RGS8: variants seen among roughly 807,000 people sequenced by gnomAD.
RGS8 encodes the protein regulator of G protein signaling 8.
RGS8 carries 8 observed loss-of-function variants against 21.7 expected under a neutral mutation model. The observed-to-expected ratio is 0.37, with a 90% confidence interval of 0.22 to 0.66. The LOEUF (loss-of-function observed/expected upper bound fraction) is 0.66. RGS8 is among the 30% of genes least tolerant of loss of function. The pLI, the probability that RGS8 is intolerant of heterozygous loss-of-function variation, is 0.59. For missense variants in RGS8, 157 were observed against 217.9 expected (o/e 0.72, Z 1.76); for synonymous variants, 80 against 83.6 (o/e 0.96, Z 0.24).
upstream of RGS8, among the ~76,000 whole-genome samples, chr1:182,675,312 C>T (rs1664319460): frequency 6.6e-6 from 1 of 152,150 alleles, no homozygotes; most frequent in Admixed American, 6.6e-5. Flanking sequence ...AAGTATTTCT[C>T]AACTTCATTT....
the RGS8 span, among the ~76,000 whole-genome samples, chr1:182,726,842 G>A: frequency 4.6e-5 from 7 of 152,296 alleles, no homozygotes; most frequent in South Asian, 1.5e-3. Context: ...ACAACAGCCT[G>A]TGCATTGCAG....
chr1:182,649,655 G>A (rs1248125274), intron 5 of RGS8, among the ~76,000 whole-genome samples: 1 of 152,128 alleles, frequency 6.6e-6, no homozygotes, highest in African/African-American at 2.4e-5. Flanking sequence ...AAGTTAGAAA[G>A]GGAAATCACA....
the RGS8 span, among the ~76,000 whole-genome samples, chr1:182,690,267 T>G: frequency 1.3e-5 from 2 of 152,216 alleles, no homozygotes; most frequent in East Asian, 1.9e-4. Flanking sequence ...CATAACATCC[T>G]GTACTTCTCT....
chr1:182,742,720 G>A, the RGS8 span, among the ~76,000 whole-genome samples: 1 of 150,368 alleles, frequency 6.7e-6, no homozygotes, highest in Non-Finnish European at 1.5e-5. Flanking sequence ...GCATCAGAGG[G>A]AGACCGTGGA....
upstream of RGS8, among the ~76,000 whole-genome samples, chr1:182,687,991 CTT>C (rs759073157): frequency 5.3e-4 from 81 of 152,222 alleles, no homozygotes; most frequent in Non-Finnish European, 6.0e-4. Flanking sequence ...TTTACACTGA[CTT>C]ATGATAAACT....
At chr1:182,739,700 C>A in the RGS8 span, among the ~76,000 whole-genome samples, 1 of 152,134 alleles carries the variant, frequency 6.6e-6, no homozygotes, top group African/African-American at 2.4e-5. Context: ...TTCCATTCCT[C>A]TTGGCCTTGA....
chr1:182,715,326 A>C, the RGS8 span, among the ~76,000 whole-genome samples: 1 of 152,192 alleles, frequency 6.6e-6, no homozygotes, highest in East Asian at 1.9e-4. Context: ...AACAAATAGC[A>C]TACTGCAAAG....
At chr1:182,655,434 T>C (rs1002175205) in intron 5 of RGS8, among the ~76,000 whole-genome samples, 1 of 152,114 alleles carries the variant, frequency 6.6e-6, no homozygotes, top group Non-Finnish European at 1.5e-5. Flanking sequence ...AGGGTGCGCA[T>C]AGGCAGGAGA....
chr1:182,672,330 C>T (rs1202205307), upstream of RGS8: 1 of 183,814 alleles, frequency 5.4e-6, no homozygotes, highest in Non-Finnish European at 1.1e-5. Flanking sequence ...GGGGGGCTGT[C>T]TTGCTGGGTG....
the RGS8 span, among the ~76,000 whole-genome samples, chr1:182,696,956 G>T: frequency 6.6e-6 from 1 of 152,124 alleles, no homozygotes; most frequent in Non-Finnish European, 1.5e-5. Context: ...GGGGTGGCTG[G>T]GCCACATGTT....
At chr1:182,721,048 T>TGC in the RGS8 span, among the ~76,000 whole-genome samples, 2 of 70,754 alleles carry the variant, frequency 2.8e-5, 1 homozygote, top group Non-Finnish European at 5.7e-5. Flanking sequence ...TACATATACA[T>TGC]ACATATATAT....
chr1:182,713,859 G>A, the RGS8 span, among the ~76,000 whole-genome samples: 3 of 152,166 alleles, frequency 2.0e-5, no homozygotes, highest in African/African-American at 7.2e-5. Flanking sequence ...ACTTTTTAAA[G>A]TAATTTTTTA....
chr1:182,670,787 C>T (rs2102444099), intron 2 of RGS8, among the ~76,000 whole-genome samples: 1 of 152,220 alleles, frequency 6.6e-6, no homozygotes, highest in South Asian at 2.1e-4. Context: ...ATTAGTTAGA[C>T]TGTGTATGAA....
chr1:182,662,324 A>T (rs1030159116), intron 5 of RGS8, among the ~76,000 whole-genome samples: 2 of 152,110 alleles, frequency 1.3e-5, no homozygotes, highest in Admixed American at 1.3e-4. Flanking sequence ...GCTGAGTCAA[A>T]CTACCTGCCA....
the RGS8 span, among the ~76,000 whole-genome samples, chr1:182,742,147 C>A: frequency 3.8e-4 from 57 of 150,052 alleles, no homozygotes; most frequent in Non-Finnish European, 4.5e-4. Context: ...GATGGGCGGC[C>A]GGGCAGAGAC....
At chr1:182,728,468 A>G in the RGS8 span, among the ~76,000 whole-genome samples, 2 of 152,206 alleles carry the variant, frequency 1.3e-5, no homozygotes, top group Non-Finnish European at 2.9e-5. Flanking sequence ...CATAATGATA[A>G]ACATTGAGCA....
At chr1:182,724,423 T>C in the RGS8 span, among the ~76,000 whole-genome samples, 1 of 151,708 alleles carries the variant, frequency 6.6e-6, no homozygotes, top group Admixed American at 6.6e-5. Flanking sequence ...ACTCAGCTAC[T>C]TGTTATACGA....
chr1:182,736,207 T>C, the RGS8 span, among the ~76,000 whole-genome samples: 3 of 152,364 alleles, frequency 2.0e-5, no homozygotes, highest in Non-Finnish European at 4.4e-5. Context: ...TGTACCACCT[T>C]AAACCATTTT....
At chr1:182,655,910 C>A (rs759548552) in intron 5 of RGS8, among the ~76,000 whole-genome samples, 1 of 152,174 alleles carries the variant, frequency 6.6e-6, no homozygotes, top group Non-Finnish European at 1.5e-5. Context: ...CGCTCCTAAG[C>A]AGACAGAGGC....
Sources: allele counts gnomAD v4.1 joint callset (sites outside exome capture counted in the v4.1 genomes callset), GRCh38; gene constraint gnomAD v4.1.1; transcripts MANE v1.5; gene names NCBI Gene and HGNC (gene_info 2026-07-23, HGNC 2026-07-21).